Variants in PFKFB1 observed in about 807,000 individuals in gnomAD.
The protein encoded by PFKFB1 is 6-phosphofructo-2-kinase/fructose-2,6-bisphosphatase 1.
A neutral mutation model predicts 46.4 loss-of-function variants in PFKFB1; 34 were observed. The observed-to-expected ratio is 0.73, with a 90% confidence interval of 0.56 to 0.98. The LOEUF (loss-of-function observed/expected upper bound fraction) is 0.98. PFKFB1 is among the 50% of genes least tolerant of loss of function. The probability of loss-of-function intolerance (pLI) is 0.00; values close to 1 mark genes in which losing one functional copy is unlikely to be tolerated. For synonymous variants in PFKFB1, 119 were observed against 133.8 expected, an observed-to-expected ratio of 0.89 and a Z score of 0.76; for missense variants, 393 against 376.3, an observed-to-expected ratio of 1.04 and a Z score of -0.37.
intron 10 of PFKFB1, among the ~76,000 whole-genome samples, chrX:54,943,196 T>C (rs1302647745): frequency 9.0e-6 from 1 of 111,406 alleles, no homozygotes; most frequent in Non-Finnish European, 1.9e-5. Flanking sequence ...TCTAGACATA[T>C]TAGAGGGAAA....
At chrX:54,971,473 C>T (rs1432118791) in intron 1 of PFKFB1, among the ~76,000 whole-genome samples, 1 of 111,124 alleles carries the variant, frequency 9.0e-6, no homozygotes, top group African/African-American at 3.3e-5. Flanking sequence ...GGTTTTAGGT[C>T]TAATGTTTAA....
At chrX:54,937,849 G>T in intron 10 of PFKFB1, 125 bp from the exon 11 acceptor site, 1 of 572,819 alleles carries the variant, frequency 1.7e-6, no homozygotes, top group Non-Finnish European at 2.7e-6. Context: ...TGACCCACCA[G>T]TATGACCTTA....
At chrX:54,943,684 G>A (rs1238426040) in intron 10 of PFKFB1, among the ~76,000 whole-genome samples, 1 of 111,259 alleles carries the variant, frequency 9.0e-6, no homozygotes, top group Non-Finnish European at 1.9e-5. Context: ...CTGGGAGGTA[G>A]AGCTTGCAGT....
upstream of PFKFB1, chrX:54,994,356 C>T (rs1935324226): frequency 2.7e-6 from 2 of 754,230 alleles, no homozygotes; most frequent in Non-Finnish European, 3.1e-6. Context: ...CAGGTCTGAC[C>T]AGTCACTTCC....
chrX:54,950,351 T>C (rs1219077620), intron 8 of PFKFB1, among the ~76,000 whole-genome samples: 1 of 111,706 alleles, frequency 9.0e-6, no homozygotes, highest in African/African-American at 3.3e-5. Context: ...CTCTCTGGCC[T>C]CATATCCAAA....
chrX:54,949,042 C>T (rs1933883885), intron 9 of PFKFB1, 33 bp downstream of exon 9: 1 of 1,202,804 alleles, frequency 8.3e-7, no homozygotes, highest in South Asian at 1.8e-5. Flanking sequence ...CAAGTCACCC[C>T]CACACACAGG....
upstream of PFKFB1, chrX:54,994,334 A>G (rs1207610738): frequency 3.1e-5 from 23 of 752,533 alleles, no homozygotes; most frequent in Non-Finnish European, 3.4e-5. Context: ...GAAGGCAGCC[A>G]GCAACACAGC....
rs1424779939 is a variant in PFKFB1 at position 54,972,042 on chromosome X, G to A, written c.98-8660C>T. On this transcript the variant is annotated intron_variant, in intron 1 of 13. Transcript: ENST00000375006. Reference sequence around the variant, plus strand: ...GCAGTGGTTTGTAGTTCTCCTTGAAGAAGTCCTTCACATCCCTTGTAAGTT... The same window carrying A: ...GCAGTGGTTTGTAGTTCTCCTTGAAAAAGTCCTTCACATCCCTTGTAAGTT... Among the ~76,000 whole-genome samples, 3 of 111,140 alleles carry A rather than the reference G, an allele frequency of 2.7e-5. No individual in the cohort carries two copies. In the Admixed American group the frequency reaches 2.9e-4, roughly 11 times the overall value.
intron 6 of PFKFB1, 133 bp downstream of exon 6, chrX:54,958,173 A>G: frequency 2.5e-6 from 1 of 401,491 alleles, no homozygotes; most frequent in Non-Finnish European, 4.4e-6. Flanking sequence ...CTTCCTATGA[A>G]AACTCAGAGA....
intron 1 of PFKFB1, among the ~76,000 whole-genome samples, chrX:54,982,124 T>C (rs919578187): frequency 2.7e-5 from 3 of 111,749 alleles, no homozygotes; most frequent in Non-Finnish European, 5.7e-5. Context: ...AATAATTTAG[T>C]TCAACATAAA....
chrX:54,995,162 T>C (rs1935338221), upstream of PFKFB1, among the ~76,000 whole-genome samples: 1 of 111,619 alleles, frequency 9.0e-6, no homozygotes, highest in South Asian at 3.8e-4. Context: ...GGCTTTTATG[T>C]GTATAACTCA....
At chrX:54,933,727 G>T in intron 13 of PFKFB1, 94 bp downstream of exon 13, 1 of 765,479 alleles carries the variant, frequency 1.3e-6, no homozygotes, top group Non-Finnish European at 2.0e-6. Flanking sequence ...AAACACCCAG[G>T]CTTGGTGGGG....
intron 1 of PFKFB1, among the ~76,000 whole-genome samples, chrX:54,981,876 A>G (rs537285082): frequency 1.8e-5 from 2 of 111,372 alleles, no homozygotes; most frequent in Admixed American, 9.6e-5. Flanking sequence ...AGAGAAAACT[A>G]CTACCTTGAA....
intron 1 of PFKFB1, among the ~76,000 whole-genome samples, chrX:54,973,055 G>C (rs1934727526): frequency 9.0e-6 from 1 of 111,472 alleles, no homozygotes; most frequent in African/African-American, 3.3e-5. Flanking sequence ...CTTCTTCCTG[G>C]TTTAGTCTTG....
intron 1 of PFKFB1, among the ~76,000 whole-genome samples, chrX:54,992,287 T>C (rs1448870590): frequency 2.7e-5 from 3 of 112,016 alleles, no homozygotes; most frequent in Non-Finnish European, 3.8e-5. Flanking sequence ...AGAACAATAA[T>C]AATTAGGATA....
At chrX:54,961,576 G>A (rs1333697526) in intron 2 of PFKFB1, among the ~76,000 whole-genome samples, 1 of 111,705 alleles carries the variant, frequency 9.0e-6, no homozygotes, top group African/African-American at 3.3e-5. Flanking sequence ...CTCCTACTCT[G>A]TGAATCAGGA....
intron 1 of PFKFB1, among the ~76,000 whole-genome samples, chrX:54,990,529 C>A (rs757712553): frequency 9.0e-6 from 1 of 111,296 alleles, no homozygotes; most frequent in African/African-American, 3.3e-5. Flanking sequence ...AAAGGAGACA[C>A]CAGGTCCAGA....
chrX:54,935,635 G>A (rs1933364252), intron 11 of PFKFB1, among the ~76,000 whole-genome samples: 1 of 112,249 alleles, frequency 8.9e-6, no homozygotes, highest in Non-Finnish European at 1.9e-5. Context: ...CCATTTCATG[G>A]TCTCAGCCAA....
chrX:54,974,685 A>G (rs1012171520), intron 1 of PFKFB1, among the ~76,000 whole-genome samples: 2 of 112,079 alleles, frequency 1.8e-5, no homozygotes, highest in African/African-American at 3.2e-5. Flanking sequence ...AGTGGGAGAA[A>G]ATATTCGCAA....
Sources: allele counts gnomAD v4.1 joint callset (sites outside exome capture counted in the v4.1 genomes callset), GRCh38; gene constraint gnomAD v4.1.1; transcripts MANE v1.5; gene names NCBI Gene and HGNC (gene_info 2026-07-23, HGNC 2026-07-21).